Variants in NPNT observed in about 807,000 individuals in gnomAD.
NPNT encodes nephronectin.
In NPNT, 45 loss-of-function variants were observed where a neutral mutation model predicts 68.6. The ratio of observed to expected loss-of-function variants is 0.66; its 90% confidence interval spans 0.52 to 0.84. The LOEUF is 0.84. Among genes scored for constraint, NPNT ranks in the 40% least tolerant of loss-of-function variants. The pLI is 0.00. For synonymous variants in NPNT, 233 were observed against 253.3 expected, an observed-to-expected ratio of 0.92 and a Z score of 0.76; for missense variants, 672 against 714.8, an observed-to-expected ratio of 0.94 and a Z score of 0.68.
chr4:105,968,415 A>G (rs955308586), intron 11 of NPNT, among the ~76,000 whole-genome samples: 2 of 152,256 alleles, frequency 1.3e-5, no homozygotes, highest in African/African-American at 4.8e-5. Context: ...GTTTTTACAT[A>G]GGTAAAGCAA....
chr4:105,898,185 T>C (rs1209983760), intron 2 of NPNT, 184 bp downstream of exon 2: 11 of 422,996 alleles, frequency 2.6e-5, no homozygotes, highest in African/African-American at 4.1e-5. Flanking sequence ...TAGCCACCTG[T>C]ATTACGGCCC....
At chr4:105,925,672 C>T (rs1728627473) in intron 2 of NPNT, among the ~76,000 whole-genome samples, 2 of 152,216 alleles carry the variant, frequency 1.3e-5, no homozygotes, top group South Asian at 4.2e-4. Context: ...GAGTCCATTC[C>T]CCTTGGTCTT....
chr4:105,954,420 T>G (rs1731060607), intron 8 of NPNT, among the ~76,000 whole-genome samples: 1 of 152,222 alleles, frequency 6.6e-6, no homozygotes, highest in African/African-American at 2.4e-5. Context: ...TTAATTTTAG[T>G]CATAATTCCC....
chr4:105,949,311 G>C (rs1560533099), intron 8 of NPNT, among the ~76,000 whole-genome samples: 2 of 152,168 alleles, frequency 1.3e-5, no homozygotes, highest in South Asian at 4.1e-4. Context: ...TGGGATTAGA[G>C]TTTACTGGAA....
intron 3 of NPNT, among the ~76,000 whole-genome samples, chr4:105,928,299 G>T (rs1728842010): frequency 6.6e-6 from 1 of 152,148 alleles, no homozygotes; most frequent in African/African-American, 2.4e-5. Flanking sequence ...GGCTTGTCTT[G>T]TTAATTAAAT....
intron 2 of NPNT, chr4:105,912,588 C>A: frequency 1.0e-6 from 1 of 995,368 alleles, no homozygotes; most frequent in Non-Finnish European, 1.2e-6. Context: ...TTACTAACAC[C>A]AGCCTATCAT....
chr4:105,928,716 AT>A (rs1230356998), intron 3 of NPNT, among the ~76,000 whole-genome samples: 1 of 151,968 alleles, frequency 6.6e-6, no homozygotes, highest in Non-Finnish European at 1.5e-5. Context: ...AATAAAAAAG[AT>A]AAGTCAATTT....
intron 2 of NPNT, among the ~76,000 whole-genome samples, chr4:105,898,328 G>GTCTGTCTCTCTC: frequency 1.9e-5 from 1 of 53,984 alleles, no homozygotes; most frequent in Non-Finnish European, 3.5e-5. Flanking sequence ...CTCTCTCTCT[G>GTCTGTCTCTCTC]TCTCTCTCTC....
chr4:105,927,509 A>G (rs923165375), intron 3 of NPNT, 81 bp downstream of exon 3: 5 of 757,356 alleles, frequency 6.6e-6, no homozygotes, highest in African/African-American at 3.5e-5. Context: ...ATCTCAAACT[A>G]CTTTCCATGG....
chr4:105,959,597 C>G (rs1247025374), intron 10 of NPNT, among the ~76,000 whole-genome samples: 1 of 148,204 alleles, frequency 6.7e-6, no homozygotes. Context: ...TGTGATTATC[C>G]TCTGAAAAAA....
At chr4:105,897,567 T>C (rs1725962508) in intron 1 of NPNT, among the ~76,000 whole-genome samples, 1 of 152,224 alleles carries the variant, frequency 6.6e-6, no homozygotes, top group Admixed American at 6.5e-5. Context: ...ATCTGTTTTA[T>C]TTCAAGCTTC....
At chr4:105,963,294 C>T (rs1731879931) in intron 10 of NPNT, among the ~76,000 whole-genome samples, 1 of 152,092 alleles carries the variant, frequency 6.6e-6, no homozygotes, top group Non-Finnish European at 1.5e-5. Flanking sequence ...CTATTTCTAT[C>T]TAGATTATAC....
intron 2 of NPNT, among the ~76,000 whole-genome samples, chr4:105,903,713 A>G (rs1324372098): frequency 6.6e-6 from 1 of 151,606 alleles, no homozygotes; most frequent in Non-Finnish European, 1.5e-5. Context: ...CATACTATAT[A>G]CACTGCTTTG....
chr4:105,898,328 G>GTCTCTCTCTCTCTCTCTC lies in NPNT; in HGVS notation c.172+362_172+379dup, dbSNP rs66945682. Among the ~76,000 whole-genome samples the GTCTCTCTCTCTCTCTCTC allele has an allele frequency of 5.4e-3, 293 of 53,962 alleles. 23 individuals carry two copies. Among genetic ancestry groups the GTCTCTCTCTCTCTCTCTC allele is most frequent in the East Asian group, 8.6e-3 (18 of 2,096 alleles). 35.4% of individuals were successfully genotyped at this position (53,962 alleles called of 152,430 possible). A position where few individuals can be genotyped will look rare whatever the true frequency, so the allele number is the denominator to read the frequency against. ...TCTCTCTCTGTCTCTCTCTCTCTCT[G>GTCTCTCTCTCTCTCTCTC]TCTCTCTCTCTCTCTCTCTCTCTCT... is the stretch of plus-strand genomic sequence containing the variant. On this transcript the variant is annotated intron_variant, in intron 2 of 11. Transcript: ENST00000379987.
rs943925298 is a variant in NPNT, at chr4:105,932,518, G to A, written c.266-4491G>A. 1.6e-5 allele frequency: 11 copies of A among 706,184 alleles called. No individual in the cohort carries two copies. The Admixed American group carries it at 1.6e-4, about 11-fold the overall frequency. 43.7% of individuals were successfully genotyped at this position (706,184 alleles called of 1,614,324 possible). On this transcript the variant is annotated intron_variant, in intron 3 of 11. Transcript: ENST00000379987. ...GCATTCTTTTTAAACTCTACCAACT[G>A]TATGTAATTGTTTAATATATACTTG...
At chr4:105,948,167 T>C (rs188102241) in intron 8 of NPNT, among the ~76,000 whole-genome samples, 2 of 152,320 alleles carry the variant, frequency 1.3e-5, no homozygotes, top group Non-Finnish European at 2.9e-5. Flanking sequence ...AAATATTCTC[T>C]AGAAAATTCT....
chr4:105,964,233 A>G (rs1266203423), intron 10 of NPNT, among the ~76,000 whole-genome samples: 3 of 152,180 alleles, frequency 2.0e-5, no homozygotes, highest in African/African-American at 7.2e-5. Context: ...CCTCATTCTT[A>G]TTTATGGCTG....
At chr4:105,896,727 T>C (rs1725887210) in intron 1 of NPNT, among the ~76,000 whole-genome samples, 1 of 152,126 alleles carries the variant, frequency 6.6e-6, no homozygotes, top group Non-Finnish European at 1.5e-5. Context: ...CGCTTTCTTG[T>C]ACCCGGAGGC....
At chr4:105,907,434 C>A (rs1726991995) in intron 2 of NPNT, among the ~76,000 whole-genome samples, 1 of 152,194 alleles carries the variant, frequency 6.6e-6, no homozygotes, top group South Asian at 2.1e-4. Flanking sequence ...TCTGCAGAGA[C>A]TAGCGTGAAC....
Sources: allele counts gnomAD v4.1 joint callset (sites outside exome capture counted in the v4.1 genomes callset), GRCh38; gene constraint gnomAD v4.1.1; transcripts MANE v1.5; gene names NCBI Gene and HGNC (gene_info 2026-07-23, HGNC 2026-07-21).